The following ARAP1 variants were observed in gnomAD, a reference collection of about 807,000 sequenced individuals.
ARAP1 encodes arf-GAP with Rho-GAP domain, ANK repeat and PH domain-containing protein 1.
ARAP1 carries 76 observed loss-of-function variants against 172.2 expected under a neutral mutation model. That is an observed-to-expected ratio of 0.44 (90% CI 0.37 to 0.53). ARAP1 has a LOEUF of 0.53. Ranked by LOEUF, ARAP1 falls within the 20% of genes least tolerant of loss-of-function variation. ARAP1 has a pLI of 0.00. For synonymous variants in ARAP1, 804 were observed against 803.3 expected (o/e 1.00, Z -0.01); for missense variants, 1,686 against 1,977.5 (o/e 0.85, Z 2.80).
Position 72,709,942 on chromosome 11 carries a change from T to C in ARAP1, c.1451A>G (p.Asp484Gly), listed in dbSNP as rs142201225. The C allele has an allele frequency of 2.4e-5, 38 of 1,613,762 alleles. No individual in the cohort carries two copies. The African/African-American group carries it at 4.9e-4, about 21-fold the overall frequency. ...YHLGIGITFI[D>G]MSVGNVKEVD... ...TTCCTTCACGTTGCCCACGCTCATG[T>C]CGATGAAGGTGATGCCAATGCCCAG... is the stretch of plus-strand genomic sequence containing the variant. Residue 484 changes from aspartate to glycine, a missense_variant, in exon 11 of 35, where the codon GAC becomes GGC. Physicochemically the swap from Asp to Gly is moderately conservative, Grantham distance 94 (BLOSUM62 -1). Coordinates refer to ENST00000393609, the MANE Select transcript of ARAP1 (RefSeq NM_001040118.3).
chr11:72,714,214 G>A lies in ARAP1; in HGVS notation c.617C>T (p.Pro206Leu), dbSNP rs267603180. 3 of 1,518,626 alleles carry A rather than the reference G, an allele frequency of 2.0e-6. No individual in the cohort carries two copies. The highest frequency in any genetic ancestry group is 2.8e-5 in the African/African-American group (2 of 70,194). The allele number at this position is 1,518,626 out of a possible 1,614,324, so 94.1% of individuals were successfully genotyped here. The change falls in exon 4 of 35, where the codon CCC (proline) becomes CTC (leucine). Residue 206 changes from proline to leucine, a missense_variant. This residue lies in a region of ARAP1 where 155 missense variants were observed against 129.2 expected (regional missense o/e 1.20). Transcript: ENST00000393609. ...CTCCGGGGGGCAGGGAGGTGGAGAGGGAGGCTGGGGAGGCCCCTGGGGGAG... is the reference window on the plus strand; with the variant it reads ...CTCCGGGGGGCAGGGAGGTGGAGAGAGAGGCTGGGGAGGCCCCTGGGGGAG... ...STLPQGPPQP[P>L]SPPPCPPEIP... is the part of the protein sequence containing the mutation.
In ARAP1 at chr11:72,685,312, GC is replaced by G; in HGVS notation, c.*351del. ...GGGAGGAGCAGGGGGCTCCCTTCCG[GC>G]AGGGCCCCAGGGCCTCACGCCTCTG... On this transcript the variant is annotated 3_prime_UTR_variant, in exon 35 of 35. Transcript: ENST00000393609. 3.0e-6 allele frequency: 1 copy of G among 332,890 alleles called. No individual in the cohort carries two copies. The highest frequency in any genetic ancestry group is 5.6e-6 in the Non-Finnish European group (1 of 177,602). The allele number at this position is 332,890 out of a possible 1,614,324, so 20.6% of individuals were successfully genotyped here.
Position 72,714,233 on chromosome 11 carries a change from G to C in ARAP1, c.598C>G (p.Gln200Glu). 6.6e-7 allele frequency: 1 copy of C among 1,526,680 alleles called. No individual in the cohort carries two copies. The highest frequency in any genetic ancestry group is 1.3e-5 in the South Asian group (1 of 79,584). 94.6% of individuals were successfully genotyped at this position (1,526,680 alleles called of 1,614,324 possible). A position where few individuals can be genotyped will look rare whatever the true frequency, so the allele number is the denominator to read the frequency against. ...QSEEPLSTLP[Q>E]GPPQPPSPPP... ...GGAGAGGGAGGCTGGGGAGGCCCCT[G>C]GGGGAGGGTGGACAGGGGCTCCTCA... Residue 200 changes from glutamine (Q) to glutamate (E), a missense_variant, in exon 4 of 35, where the codon CAG becomes GAG. By Grantham distance (29) the Gln-to-Glu change is conservative. This residue lies in a region of ARAP1 where 155 missense variants were observed against 129.2 expected (regional missense o/e 1.20). Transcript: ENST00000393609.
intron 1 of ARAP1, among the ~76,000 whole-genome samples, chr11:72,743,846 C>T (rs1180720559): frequency 6.6e-6 from 1 of 151,966 alleles, no homozygotes; most frequent in Non-Finnish European, 1.5e-5. Context: ...CTGAGACCAA[C>T]CCCCAGCCCT....
intron 1 of ARAP1, among the ~76,000 whole-genome samples, chr11:72,747,361 T>C (rs1312548694): frequency 6.6e-6 from 1 of 152,180 alleles, no homozygotes; most frequent in African/African-American, 2.4e-5. Context: ...AGGTGGTCCC[T>C]GTCTCTGGGC....
chr11:72,712,820 A>C (rs1194577696), intron 5 of ARAP1: 1 of 620,408 alleles, frequency 1.6e-6, no homozygotes, highest in African/African-American at 1.8e-5. Flanking sequence ...GACAGAGAAA[A>C]AGACTGCGGG....
Position 72,697,350 on chromosome 11 carries a change from G to T in ARAP1, c.2926C>A (p.Arg976Ser). The change falls in exon 21 of 35, where the codon CGC (arginine) becomes AGC (serine). Residue 976 changes from arginine (R) to serine (S), a missense_variant. Physicochemically the swap from Arg to Ser is moderately radical, Grantham distance 110. Around this residue, in one of 5 missense-constraint regions of ARAP1, gnomAD observed 274 missense variants for 262.7 expected, o/e 1.04. Coordinates refer to ENST00000393609, the MANE Select transcript of ARAP1 (RefSeq NM_001040118.3). ...GDSDIPVIVY[R>S]CVDYITQCGL... ...CACTGCGTGATGTAGTCCACACAGC[G>T]GTACACGATCACCGGGATATCCGAG... 2 of 1,599,254 alleles carry T rather than the reference G, an allele frequency of 1.3e-6. No individual in the cohort carries two copies. The highest frequency in any genetic ancestry group is 8.5e-7 in the Non-Finnish European group (1 of 1,173,264).
rs539278387 is a variant in ARAP1 at position 72,737,914 on chromosome 11, G to A, written c.-127-5317C>T. 1.1e-4 allele frequency among the ~76,000 whole-genome samples: 16 copies of A among 152,288 alleles called. 1 individual carries two copies. Among genetic ancestry groups the A allele is most frequent in the African/African-American group, 3.4e-4 (14 of 41,556 alleles). ...GCTGGGAGTACAGGCGTGAGCCACC[G>A]CACCCAGTCCCTCATTTGTTCTTAT... On this transcript the variant is annotated intron_variant, in intron 1 of 34. Transcript: ENST00000393609.
Position 72,693,583 on chromosome 11 carries a change from C to T in ARAP1, c.3808+109G>A. 1 of 1,533,664 alleles carries T rather than the reference C, an allele frequency of 6.5e-7. No homozygotes were observed. Among genetic ancestry groups the T allele is most frequent in the African/African-American group, 1.4e-5 (1 of 73,022 alleles). On this transcript the variant is annotated intron_variant, in intron 28 of 34. Transcript: ENST00000393609. This position sits in a 1 kb window ranked among gnomAD's most constrained non-coding sequence, Gnocchi z 4.6. The stretch of plus-strand genomic sequence containing the variant: ...CCCAGCCTCTCCATAGAGGCCCACC[C>T]ACTTGGCGCCCTCTGTCTGAGCTGT...
intron 2 of ARAP1, among the ~76,000 whole-genome samples, chr11:72,727,609 A>G (rs1372752830): frequency 6.6e-6 from 1 of 152,190 alleles, no homozygotes; most frequent in Admixed American, 6.5e-5. Context: ...GGCCAGGCCA[A>G]GGGCTTAGCG....
intron 11 of ARAP1, among the ~76,000 whole-genome samples, chr11:72,709,045 C>CAAAAAAA (rs34249967): frequency 4.0e-5 from 2 of 50,292 alleles, no homozygotes; most frequent in South Asian, 6.9e-4. Context: ...TCTCAAAAAG[C>CAAAAAAA]AAAAAAAAAA....
intron 1 of ARAP1, among the ~76,000 whole-genome samples, chr11:72,746,718 C>T (rs1251684468): frequency 3.4e-5 from 5 of 147,184 alleles, no homozygotes; most frequent in Non-Finnish European, 6.0e-5. Context: ...TCTGTCCTGA[C>T]CTGTTCACAA....
At position 72,712,319 on chromosome 11, in the gene ARAP1, C is replaced by A. The variant is rs1857053080; in HGVS notation, c.899G>T (p.Ser300Ile). 2.6e-6 allele frequency: 4 copies of A among 1,561,382 alleles called. No individual in the cohort carries two copies. The highest frequency in any genetic ancestry group is 1.2e-5 in the South Asian group (1 of 84,070). The change falls in exon 7 of 35, where the codon AGC becomes ATC. Residue 300 changes from serine (S) to isoleucine (I), a missense_variant. Ser to Ile is a moderately radical substitution (Grantham distance 142). Around this residue, in one of 5 missense-constraint regions of ARAP1, gnomAD observed 688 missense variants for 856.9 expected, o/e 0.80. Transcript: ENST00000393609. ...TGTGCTGGGCAAGGACAAGCTCAGG[C>A]TGCTGGTATGCCATCCGCCACTAGC... ...GVPNGGWHTS[S>I]LSLSLPSTIA...
Position 72,716,022 on chromosome 11 carries a change from A to C in ARAP1, c.510-1701T>G, listed in dbSNP as rs565300122. On this transcript the variant is annotated intron_variant, in intron 3 of 34. Coordinates refer to ENST00000393609, the MANE Select transcript of ARAP1 (RefSeq NM_001040118.3). ...ACCATCTCTACTAAAAATACAAAAA[A>C]ATTAGCCGGACGTGGTGGCAGGCGC... Among the ~76,000 whole-genome samples, 48 of 151,950 alleles carry C rather than the reference A, an allele frequency of 3.2e-4. 1 individual carries two copies. The highest frequency in any genetic ancestry group is 1.1e-3 in the African/African-American group (46 of 41,406).
rs865931313 is a variant in ARAP1 at position 72,698,933 on chromosome 11, A to T, written c.2541+72T>A. 58 of 1,480,476 alleles carry T rather than the reference A, an allele frequency of 3.9e-5. No individual in the cohort carries two copies. The Admixed American group carries it at 9.7e-4, about 25-fold the overall frequency. The allele number at this position is 1,480,476 out of a possible 1,614,324, so 91.7% of individuals were successfully genotyped here. ...TCTCTAGACGGGGGAGCTGGGATAC[A>T]TGGGATTGGCCAGGAGGCCCCACCT... On this transcript the variant is annotated intron_variant, in intron 18 of 34. Coordinates refer to ENST00000393609, the MANE Select transcript of ARAP1 (RefSeq NM_001040118.3).
rs149590331 is a variant in ARAP1 at position 72,692,448 on chromosome 11, G to T, written c.3987+305C>A. On this transcript the variant is annotated intron_variant, in intron 30 of 34. Coordinates refer to ENST00000393609, the MANE Select transcript of ARAP1 (RefSeq NM_001040118.3). ...CAGGGATGACAGGAGATGAAGATCAGGGCTCTAATTCAAACCTAGGTGCCA... is the reference window on the plus strand; with the variant it reads ...CAGGGATGACAGGAGATGAAGATCATGGCTCTAATTCAAACCTAGGTGCCA... 3.1e-4 allele frequency among the ~76,000 whole-genome samples: 47 copies of T among 152,338 alleles called. No homozygotes were observed. In the East Asian group the frequency reaches 9.1e-3, roughly 29 times the overall value.
intron 3 of ARAP1, among the ~76,000 whole-genome samples, chr11:72,722,710 C>T (rs1333428691): frequency 1.5e-4 from 23 of 152,200 alleles, no homozygotes. Context: ...TGGGCACACA[C>T]TCCTTCTTCC....
At chr11:72,720,608 A>C (rs1857467497) in intron 3 of ARAP1, among the ~76,000 whole-genome samples, 1 of 152,104 alleles carries the variant, frequency 6.6e-6, no homozygotes, top group Non-Finnish European at 1.5e-5. Flanking sequence ...GAAGGTCTGC[A>C]GCTCCCCAAA....
chr11:72,705,109 G>A (rs1856696358), intron 13 of ARAP1: 1 of 152,314 alleles, frequency 6.6e-6, no homozygotes. Context: ...AGAAACGGAT[G>A]TGACACTCCA....
Sources: gnomAD v4.1 joint callset for allele counts (sites outside exome capture counted in the v4.1 genomes callset) on GRCh38, gnomAD v4.1.1 for gene constraint, gnomAD v4.1.1 regional missense constraint, Gnocchi (gnomAD v3.1) non-coding constraint, MANE v1.5 for transcripts, NCBI Gene and HGNC (gene_info 2026-07-23, HGNC 2026-07-21) for gene names.